Variants in ATP6V1A observed in about 807,000 individuals in gnomAD.
ATP6V1A encodes the protein ATPase H+ transporting V1 subunit A, also known as V-type proton ATPase catalytic subunit A.
Under a neutral mutation model 70.1 loss-of-function variants are expected in ATP6V1A, and 18 were observed. The ratio of observed to expected loss-of-function variants is 0.26; its 90% CI spans 0.18 to 0.38. ATP6V1A has a LOEUF of 0.38. ATP6V1A is among the 10% of genes least tolerant of loss of function. The pLI, the probability that ATP6V1A is intolerant of heterozygous loss-of-function variation, is 1.00. For missense variants in ATP6V1A, 424 were observed against 772.4 expected (o/e 0.55, Z 5.35); for synonymous variants, 232 against 253.8 (o/e 0.91, Z 0.82).
intron 8 of ATP6V1A, among the ~76,000 whole-genome samples, chr3:113,791,530 T>TAATAAATAGTA (rs1709092234): frequency 6.6e-6 from 1 of 152,166 alleles, no homozygotes; most frequent in Non-Finnish European, 1.5e-5. Flanking sequence ...TATTTATTAT[T>TAATAAATAGTA]ACTATTACTC....
chr3:113,776,252 G>A (rs1430515045), intron 1 of ATP6V1A, among the ~76,000 whole-genome samples: 3 of 151,938 alleles, frequency 2.0e-5, no homozygotes, highest in African/African-American at 7.3e-5. Context: ...CCAACTACTG[G>A]GTGGGGTGGG....
At chr3:113,753,231 TCA>T (rs1708607704) in intron 1 of ATP6V1A, among the ~76,000 whole-genome samples, 4 of 152,156 alleles carry the variant, frequency 2.6e-5, no homozygotes, top group African/African-American at 9.7e-5. Flanking sequence ...TTACTAGTAA[TCA>T]ATATACTAAC....
At position 113,784,408 on chromosome 3, in the gene ATP6V1A, A is replaced by G; in HGVS notation, c.396A>G (p.Lys132=). Residue 132 remains lysine (K), a synonymous_variant, in exon 4 of 15, where the codon AAA becomes AAG. Transcript: ENST00000273398. ...VNVSALSRDI[K]WDFTPCKNLR... is the part of the protein sequence containing the mutation. ...TGTCTGCTCTTAGCAGAGATATCAA[A>G]TGGGACTTTACACCTTGCAAAAACC... 6.2e-7 allele frequency: 1 copy of G among 1,614,102 alleles called. No homozygotes were observed. Among genetic ancestry groups the G allele is most frequent in the South Asian group, 1.1e-5 (1 of 91,072 alleles).
chr3:113,780,851 T>A, intron 2 of ATP6V1A, 199 bp from the exon 3 acceptor site: 1 of 1,347,034 alleles, frequency 7.4e-7, no homozygotes, highest in Non-Finnish European at 9.8e-7. Flanking sequence ...ATAAATAATC[T>A]TTGGCTTACC....
At chr3:113,786,765 T>C (rs1474299757) in intron 6 of ATP6V1A, among the ~76,000 whole-genome samples, 1 of 151,184 alleles carries the variant, frequency 6.6e-6, no homozygotes, top group Non-Finnish European at 1.5e-5. Flanking sequence ...ACTCTGTTTC[T>C]TCTTCTTCTT....
chr3:113,775,177 CA>C (rs754510196), intron 1 of ATP6V1A, among the ~76,000 whole-genome samples: 1 of 150,940 alleles, frequency 6.6e-6, no homozygotes, highest in Non-Finnish European at 1.5e-5. Flanking sequence ...GACCTATATT[CA>C]AATAGTGTAA....
intron 5 of ATP6V1A, among the ~76,000 whole-genome samples, chr3:113,785,301 G>A (rs564603737): frequency 2.6e-5 from 4 of 152,038 alleles, no homozygotes; most frequent in South Asian, 2.1e-4. Context: ...TTAGCCAGGC[G>A]TGGTGGCGCA....
chr3:113,761,109 T>C (rs1434628822), intron 1 of ATP6V1A, among the ~76,000 whole-genome samples: 1 of 151,682 alleles, frequency 6.6e-6, no homozygotes, highest in Non-Finnish European at 1.5e-5. Flanking sequence ...TTTCTTTTTT[T>C]TTTTCTTTTT....
intron 1 of ATP6V1A, among the ~76,000 whole-genome samples, chr3:113,757,810 T>C (rs1708661611): frequency 6.6e-6 from 1 of 152,196 alleles, no homozygotes; most frequent in African/African-American, 2.4e-5. Flanking sequence ...GGGTTAAAAT[T>C]CTCTTAACAA....
intron 1 of ATP6V1A, among the ~76,000 whole-genome samples, chr3:113,749,389 G>C (rs1431661947): frequency 6.6e-6 from 1 of 152,034 alleles, no homozygotes; most frequent in Non-Finnish European, 1.5e-5. Context: ...ATTTATTAGG[G>C]AATTGTGCTA....
At chr3:113,778,614 A>C (rs1231345141) in intron 1 of ATP6V1A, 127 bp from the exon 2 acceptor site, 8 of 474,144 alleles carry the variant, frequency 1.7e-5, no homozygotes, top group African/African-American at 1.6e-4. Context: ...TTCTACTTTG[A>C]AGAAGTATAA....
intron 3 of ATP6V1A, among the ~76,000 whole-genome samples, chr3:113,781,427 G>T (rs1708976951): frequency 6.6e-6 from 1 of 152,120 alleles, no homozygotes; most frequent in African/African-American, 2.4e-5. Context: ...TGAGGCAGGG[G>T]AATCGCTTGC....
chr3:113,804,787 G>A (rs1709256622), intron 13 of ATP6V1A, among the ~76,000 whole-genome samples: 1 of 152,222 alleles, frequency 6.6e-6, no homozygotes, highest in African/African-American at 2.4e-5. Flanking sequence ...ATATCCAAAA[G>A]TTGTACGAAT....
chr3:113,757,477 A>G (rs769451981), intron 1 of ATP6V1A, among the ~76,000 whole-genome samples: 5 of 152,258 alleles, frequency 3.3e-5, no homozygotes, highest in African/African-American at 7.2e-5. Flanking sequence ...GTCTTGGACA[A>G]CAAACCCTTC....
At position 113,778,818 on chromosome 3, in the gene ATP6V1A, A is replaced by G. The variant is rs768359551; in HGVS notation, c.65A>G (p.His22Arg). 8.8e-6 allele frequency: 14 copies of G among 1,584,804 alleles called. No individual in the cohort carries two copies. Among genetic ancestry groups the G allele is most frequent in the Non-Finnish European group, 1.2e-5 (14 of 1,166,922 alleles). ...EDKESTFGYVHGVSGPVVTAC... is the reference protein window; with the variant it reads ...EDKESTFGYVRGVSGPVVTAC... ...AAAGAAAGCACATTTGGTTATGTGC[A>G]TGGGGTCTCAGGACCTGGTAAGTAA... Residue 22 changes from histidine (H) to arginine (R), a missense_variant, in exon 2 of 15, where the codon CAT becomes CGT. Transcript: ENST00000273398.
In ATP6V1A at chr3:113,804,547, A is replaced by G. The variant is rs542857387; in HGVS notation, c.1590-807A>G. On this transcript the variant is annotated intron_variant, in intron 13 of 14. Transcript: ENST00000273398. ...CAGGTTATCTTTTCTCCCTCAAATC[A>G]TATTTGGCCCCATATAAGACTGAAG... 1.1e-4 allele frequency among the ~76,000 whole-genome samples: 16 copies of G among 152,204 alleles called. 3 individuals carry two copies. Among genetic ancestry groups the G allele is most frequent in the African/African-American group, 3.6e-4 (15 of 41,532 alleles).
chr3:113,789,106 G>A (rs1279831084), intron 7 of ATP6V1A, among the ~76,000 whole-genome samples: 2 of 152,130 alleles, frequency 1.3e-5, no homozygotes, highest in African/African-American at 4.8e-5. Flanking sequence ...GGAGTGCAGT[G>A]ACACCATCTC....
intron 4 of ATP6V1A, 67 bp from the exon 5 acceptor site, chr3:113,784,628 TA>T: frequency 6.4e-7 from 1 of 1,564,442 alleles, no homozygotes; most frequent in Non-Finnish European, 8.7e-7. Context: ...TGATTTAAAT[TA>T]TAGCAGCAGG....
intron 3 of ATP6V1A, among the ~76,000 whole-genome samples, chr3:113,782,425 C>T (rs1708985551): frequency 6.6e-6 from 1 of 151,692 alleles, no homozygotes; most frequent in South Asian, 2.1e-4. Context: ...CACCTCCATG[C>T]ACACATGGAA....
Sources: allele counts gnomAD v4.1 joint callset (sites outside exome capture counted in the v4.1 genomes callset), GRCh38; gene constraint gnomAD v4.1.1; transcripts MANE v1.5; gene names NCBI Gene and HGNC (gene_info 2026-07-23, HGNC 2026-07-21).